The following SPATA9 variants were observed in gnomAD, a reference collection of about 807,000 sequenced individuals.
SPATA9 encodes the protein spermatogenesis associated 9.
Under a neutral mutation model 25.5 loss-of-function variants are expected in SPATA9, and 27 were observed. The observed-to-expected ratio is 1.06, with a 90% CI of 0.78 to 1.46. The LOEUF (loss-of-function observed/expected upper bound fraction) is 1.46, where lower values mean the gene tolerates loss of function less well. Among genes scored for constraint, SPATA9 ranks in the 40% most tolerant of loss-of-function variants. SPATA9 has a pLI of 0.00. For synonymous variants in SPATA9, 102 were observed against 105.7 expected, an observed-to-expected ratio of 0.97 and a Z score of 0.21; for missense variants, 282 against 297.5, an observed-to-expected ratio of 0.95 and a Z score of 0.38.
chr5:95,703,672 T>G (rs1227126129), upstream of SPATA9, among the ~76,000 whole-genome samples: 1 of 151,922 alleles, frequency 6.6e-6, no homozygotes, highest in Non-Finnish European at 1.5e-5. Flanking sequence ...TTTTCAAAAA[T>G]ATCTGGAAGG....
the SPATA9 span, among the ~76,000 whole-genome samples, chr5:95,707,470 C>T: frequency 1.3e-5 from 2 of 151,384 alleles, no homozygotes; most frequent in East Asian, 2.0e-4. Flanking sequence ...ACTTTTATAC[C>T]TTGGTTTAGG....
chr5:95,730,922 G>GA, the SPATA9 span: 1 of 459,224 alleles, frequency 2.2e-6, no homozygotes, highest in South Asian at 1.5e-5. Flanking sequence ...TCAAGGCCAA[G>GA]AGGGGGGGAA....
intron 1 of SPATA9, among the ~76,000 whole-genome samples, chr5:95,695,481 C>T (rs564343865): frequency 6.6e-6 from 1 of 152,134 alleles, no homozygotes; most frequent in African/African-American, 2.4e-5. Flanking sequence ...ACCTGCACTC[C>T]CAGCTACTTG....
At chr5:95,678,254 G>A (rs1561410843) in intron 2 of SPATA9, among the ~76,000 whole-genome samples, 2 of 152,178 alleles carry the variant, frequency 1.3e-5, no homozygotes, top group Non-Finnish European at 2.9e-5. Context: ...GCAGGCACCT[G>A]TAATCCCAGC....
chr5:95,702,204 G>A (rs1187230046), upstream of SPATA9, among the ~76,000 whole-genome samples: 2 of 117,080 alleles, frequency 1.7e-5, no homozygotes, highest in East Asian at 6.2e-4. Flanking sequence ...AAAAAATTAT[G>A]GCAAAACCAA....
At chr5:95,692,413 T>C (rs1159479520) in intron 1 of SPATA9, among the ~76,000 whole-genome samples, 2 of 152,136 alleles carry the variant, frequency 1.3e-5, no homozygotes, top group Non-Finnish European at 2.9e-5. Flanking sequence ...CCGGTTTTGG[T>C]GATTTATGTC....
chr5:95,681,589 C>T (rs951998580), intron 2 of SPATA9, among the ~76,000 whole-genome samples: 9 of 152,114 alleles, frequency 5.9e-5, no homozygotes, highest in Non-Finnish European at 1.0e-4. Context: ...AGCTCATTAG[C>T]GGAAAGGATC....
chr5:95,725,007 C>T, the SPATA9 span, among the ~76,000 whole-genome samples: 5 of 150,934 alleles, frequency 3.3e-5, no homozygotes, highest in African/African-American at 7.3e-5. Flanking sequence ...GACCCCATGT[C>T]TTAAAAAAAA....
downstream of SPATA9, chr5:95,657,499 A>G (rs1186999131): frequency 1.3e-5 from 2 of 152,056 alleles, no homozygotes; most frequent in Non-Finnish European, 2.9e-5. Context: ...CAAGATTGGA[A>G]CCTAGTCTCA....
chr5:95,673,549 A>G (rs898877666), intron 3 of SPATA9, among the ~76,000 whole-genome samples: 4 of 152,150 alleles, frequency 2.6e-5, no homozygotes, highest in Non-Finnish European at 5.9e-5. Flanking sequence ...AGATTATTTC[A>G]TATTAAATAC....
chr5:95,666,256 A>G (rs1751796943), intron 3 of SPATA9, among the ~76,000 whole-genome samples: 1 of 152,224 alleles, frequency 6.6e-6, no homozygotes, highest in South Asian at 2.1e-4. Flanking sequence ...TAACCTGATC[A>G]TTAAGCTACG....
Position 95,665,765 on chromosome 5 carries a change from A to G in SPATA9, c.379-1717T>C, listed in dbSNP as rs529377573. Among the ~76,000 whole-genome samples, 32 of 152,276 alleles carry G rather than the reference A, an allele frequency of 2.1e-4. No individual in the cohort carries two copies. The South Asian group carries it at 6.6e-3, about 32-fold the overall frequency. On this transcript the variant is annotated intron_variant, in intron 3 of 4. Coordinates refer to ENST00000274432, the MANE Select transcript of SPATA9 (RefSeq NM_031952.4). ...CAAGGCAGGTGGATCACCTGAGGTCAGGAGACCAGCCTGATCAACATGGTG... is the reference window on the plus strand; with the variant it reads ...CAAGGCAGGTGGATCACCTGAGGTCGGGAGACCAGCCTGATCAACATGGTG...
rs545160958 is a variant in SPATA9, at chr5:95,671,298, T to G, written c.378+4114A>C. 3.3e-5 allele frequency among the ~76,000 whole-genome samples: 5 copies of G among 152,344 alleles called. 1 individual carries two copies. The highest frequency in any genetic ancestry group is 1.2e-4 in the African/African-American group (5 of 41,592). Reference sequence around the variant, plus strand: ...ATACTTTGATCATCCACTTGCTACATCCTACTGACACTGCTTATTTGCCTG... The same window carrying G: ...ATACTTTGATCATCCACTTGCTACAGCCTACTGACACTGCTTATTTGCCTG... On this transcript the variant is annotated intron_variant, in intron 3 of 4. Coordinates refer to ENST00000274432, the MANE Select transcript of SPATA9 (RefSeq NM_031952.4).
chr5:95,680,766 C>A (rs1753381919), intron 2 of SPATA9, among the ~76,000 whole-genome samples: 1 of 152,150 alleles, frequency 6.6e-6, no homozygotes, highest in Non-Finnish European at 1.5e-5. Context: ...GAGCTTCCAA[C>A]CTACATATGC....
downstream of SPATA9, chr5:95,656,553 A>T (rs1316442399): frequency 2.9e-6 from 1 of 339,186 alleles, no homozygotes; most frequent in Non-Finnish European, 5.3e-6. Context: ...TAGGTTTGGG[A>T]TGTTCTGTTT....
chr5:95,653,288 G>C, intron 8 of SPATA9: 1 of 1,540,492 alleles, frequency 6.5e-7, no homozygotes, highest in Non-Finnish European at 8.7e-7. Flanking sequence ...GCCTGTAAGA[G>C]CCAACTGTGT....
chr5:95,731,015 C>CG, the SPATA9 span: 1 of 827,576 alleles, frequency 1.2e-6, no homozygotes, highest in Non-Finnish European at 1.7e-6. Context: ...GCGGGGGCCC[C>CG]ATCGCCCCAC....
In SPATA9 at chr5:95,682,543, T is replaced by A; in HGVS notation, c.135A>T (p.Leu45Phe). Reference protein sequence around the residue: ...FKDEFPTILRLSQSNQKREPA... With the variant: ...FKDEFPTILRFSQSNQKREPA... ...ATCACATTACCTGATTAGACTGTGA[T>A]AATCTTAGGATGGTGGGAAATTCAT... Residue 45 changes from leucine (L) to phenylalanine (F), a missense_variant, in exon 2 of 5, where the codon TTA becomes TTT. Transcript: ENST00000274432. The A allele has an allele frequency of 6.2e-7, 1 of 1,610,384 alleles. No individual in the cohort carries two copies. Among genetic ancestry groups the A allele is most frequent in the South Asian group, 1.1e-5 (1 of 90,612 alleles).
At position 95,658,623 on chromosome 5, in the gene SPATA9, T is replaced by G; in HGVS notation, c.765A>C (p.Ter255CysextTer9). 1 of 1,611,510 alleles carries G rather than the reference T, an allele frequency of 6.2e-7. No homozygotes were observed. The highest frequency in any genetic ancestry group is 1.1e-5 in the South Asian group (1 of 90,770). ...DQSAEMNEQI[*>C] ...AAGTTCTGTTCAGTGATACCTGTAT[T>G]CAGATTTGCTCATTCATTTCAGCTG... The change falls in exon 5 of 5, where the codon TGA (stop) becomes TGC (cysteine). Residue 255 changes from the stop codon to cysteine, a stop_lost. Coordinates refer to ENST00000274432, the MANE Select transcript of SPATA9 (RefSeq NM_031952.4).
Sources: gnomAD v4.1 joint callset for allele counts (sites outside exome capture counted in the v4.1 genomes callset) on GRCh38, gnomAD v4.1.1 for gene constraint, MANE v1.5 for transcripts, NCBI Gene and HGNC (gene_info 2026-07-23, HGNC 2026-07-21) for gene names.